Variants in TGFA observed in about 807,000 individuals in gnomAD.
The protein encoded by TGFA is protransforming growth factor alpha.
TGFA carries 12 observed loss-of-function variants against 21.7 expected under a neutral mutation model. The ratio of observed to expected loss-of-function variants is 0.55; its 90% CI spans 0.35 to 0.90. The LOEUF (loss-of-function observed/expected upper bound fraction) is 0.90, where lower values mean the gene tolerates loss of function less well. TGFA is among the 40% of genes least tolerant of loss of function. The pLI is 0.01. For synonymous variants in TGFA, 79 were observed against 88.1 expected, an observed-to-expected ratio of 0.90 and a Z score of 0.58; for missense variants, 178 against 210.8, an observed-to-expected ratio of 0.84 and a Z score of 0.96.
intron 3 of TGFA, among the ~76,000 whole-genome samples, chr2:70,458,783 A>AC (rs138558050): frequency 0.026 from 3,979 of 151,844 alleles, 173 homozygotes; most frequent in African/African-American, 0.091. Flanking sequence ...TCCTCCCTGA[A>AC]CCCCCCAGGA....
chr2:70,470,592 A>C (rs1444937638), intron 2 of TGFA, among the ~76,000 whole-genome samples: 2 of 152,194 alleles, frequency 1.3e-5, no homozygotes, highest in Non-Finnish European at 2.9e-5. Context: ...GTAAACCATC[A>C]GTTCTTTCAC....
chr2:70,496,927 A>C (rs533985280), intron 2 of TGFA, among the ~76,000 whole-genome samples: 25 of 152,322 alleles, frequency 1.6e-4, no homozygotes, highest in Non-Finnish European at 2.8e-4. Context: ...ATGCACAGAG[A>C]TGTGATGAAG....
intron 3 of TGFA, among the ~76,000 whole-genome samples, chr2:70,463,104 A>T (rs1226563071): frequency 6.6e-6 from 1 of 151,942 alleles, no homozygotes; most frequent in Non-Finnish European, 1.5e-5. Context: ...ACTGAACTCC[A>T]CCTCTGCCGG....
chr2:70,450,810 T>C lies in TGFA; in HGVS notation c.*49A>G, dbSNP rs1272460316. On this transcript the variant is annotated 3_prime_UTR_variant, in exon 6 of 6. Transcript: ENST00000295400. Reference sequence around the variant, plus strand: ...CAGTGCTGTCCTGAAGAAGCCTTTCTTTATTGATCTGCCACAGTCCACCTG... The same window carrying C: ...CAGTGCTGTCCTGAAGAAGCCTTTCCTTATTGATCTGCCACAGTCCACCTG... 3 of 1,601,760 alleles carry C rather than the reference T, an allele frequency of 1.9e-6. No individual in the cohort carries two copies. Among genetic ancestry groups the C allele is most frequent in the Middle Eastern group, 3.3e-4 (2 of 6,062 alleles).
At chr2:70,491,023 A>G (rs1553497516) in intron 2 of TGFA, among the ~76,000 whole-genome samples, 1 of 152,216 alleles carries the variant, frequency 6.6e-6, no homozygotes, top group African/African-American at 2.4e-5. Context: ...TGGGGAATTG[A>G]TCACAGAAAA....
chr2:70,463,116 T>C (rs1301466592), intron 3 of TGFA, among the ~76,000 whole-genome samples: 2 of 152,154 alleles, frequency 1.3e-5, no homozygotes, highest in Admixed American at 6.5e-5. Flanking sequence ...CTCTGCCGGT[T>C]ACTAGCTCTG....
chr2:70,470,544 G>A (rs1029669584), intron 2 of TGFA, among the ~76,000 whole-genome samples: 4 of 152,216 alleles, frequency 2.6e-5, no homozygotes, highest in African/African-American at 9.6e-5. Flanking sequence ...TGTGGTGGAT[G>A]ACATCCTGAA....
chr2:70,487,927 A>C (rs1553496956), intron 2 of TGFA, among the ~76,000 whole-genome samples: 1 of 152,114 alleles, frequency 6.6e-6, no homozygotes, highest in East Asian at 1.9e-4. Flanking sequence ...AACAATTTAC[A>C]CTCCCCTGAG....
intron 1 of TGFA, among the ~76,000 whole-genome samples, chr2:70,552,149 C>T (rs1247674658): frequency 6.6e-6 from 1 of 152,062 alleles, no homozygotes; most frequent in Non-Finnish European, 1.5e-5. Context: ...ATTCCTTCCA[C>T]GTTCTTCGAC....
chr2:70,504,447 T>TATATATATATATACATAC (rs1559123914), intron 2 of TGFA, among the ~76,000 whole-genome samples: 10 of 82,096 alleles, frequency 1.2e-4, no homozygotes, highest in East Asian at 3.5e-4. Flanking sequence ...TATATATATA[T>TATATATATATATACATAC]ATATATATAT....
intron 2 of TGFA, among the ~76,000 whole-genome samples, chr2:70,471,783 T>C (rs1553493354): frequency 6.6e-6 from 1 of 152,090 alleles, no homozygotes; most frequent in East Asian, 1.9e-4. Flanking sequence ...ATTTTTTAGA[T>C]AAGAAAACTA....
intron 3 of TGFA, among the ~76,000 whole-genome samples, chr2:70,458,400 A>G (rs1286376110): frequency 6.6e-6 from 1 of 151,974 alleles, no homozygotes; most frequent in Non-Finnish European, 1.5e-5. Context: ...CCTCTGTGAT[A>G]TCTAGCCCTC....
At position 70,447,355 on chromosome 2, in the gene TGFA, A is replaced by G. The variant is rs1020827022; in HGVS notation, c.*3504T>C. 2 of 152,698 alleles carry G rather than the reference A, an allele frequency of 1.3e-5. No homozygotes were observed. The highest frequency in any genetic ancestry group is 4.8e-5 in the African/African-American group (2 of 41,474). 9.5% of individuals were successfully genotyped at this position (152,698 alleles called of 1,614,324 possible). A position where few individuals can be genotyped will look rare whatever the true frequency, so the allele number is the denominator to read the frequency against. ...GTACAACTCAATAACAATGCACATTACTGAAAAACACAATTGCGTCTTATA... is the reference window on the plus strand; with the variant it reads ...GTACAACTCAATAACAATGCACATTGCTGAAAAACACAATTGCGTCTTATA... On this transcript the variant is annotated 3_prime_UTR_variant, in exon 6 of 6. Coordinates refer to ENST00000295400, the MANE Select transcript of TGFA (RefSeq NM_003236.4).
At chr2:70,480,292 C>A (rs1671073919) in intron 2 of TGFA, among the ~76,000 whole-genome samples, 1 of 152,138 alleles carries the variant, frequency 6.6e-6, no homozygotes, top group Non-Finnish European at 1.5e-5. Context: ...AGATGGCCTG[C>A]CCTCACCCTC....
intron 1 of TGFA, among the ~76,000 whole-genome samples, chr2:70,518,003 T>C (rs781813113): frequency 3.9e-5 from 6 of 152,216 alleles, no homozygotes; most frequent in Non-Finnish European, 5.9e-5. Flanking sequence ...TCCAGAAACA[T>C]GTGGCCTTGG....
intron 2 of TGFA, among the ~76,000 whole-genome samples, chr2:70,491,010 C>T (rs979743467): frequency 4.6e-5 from 7 of 152,276 alleles, no homozygotes; most frequent in East Asian, 3.9e-4. Flanking sequence ...TCACGATATT[C>T]GGTGGGGAAT....
At chr2:70,475,977 C>T (rs1404384538) in intron 2 of TGFA, among the ~76,000 whole-genome samples, 1 of 148,398 alleles carries the variant, frequency 6.7e-6, no homozygotes, top group Non-Finnish European at 1.5e-5. Flanking sequence ...GGACGAAGAT[C>T]ACACTCTCTG....
intron 2 of TGFA, among the ~76,000 whole-genome samples, chr2:70,468,796 C>T (rs548175051): frequency 1.3e-5 from 2 of 152,272 alleles, no homozygotes; most frequent in East Asian, 3.9e-4. Flanking sequence ...GAAACAAGCC[C>T]AGGGCTCCTC....
chr2:70,534,534 TA>T (rs1205977754), intron 1 of TGFA, among the ~76,000 whole-genome samples: 1 of 152,032 alleles, frequency 6.6e-6, no homozygotes, highest in Non-Finnish European at 1.5e-5. Context: ...CAAACACCTT[TA>T]AAAAAAATTT....
Sources: allele counts gnomAD v4.1 joint callset (sites outside exome capture counted in the v4.1 genomes callset), GRCh38; gene constraint gnomAD v4.1.1; transcripts MANE v1.5; gene names NCBI Gene and HGNC (gene_info 2026-07-23, HGNC 2026-07-21).